Variants in LMX1A observed in about 807,000 individuals in gnomAD.
LMX1A encodes LIM homeobox transcription factor 1-alpha.
In LMX1A, 15 loss-of-function variants were observed where a neutral mutation model predicts 49.1. That is an observed-to-expected ratio of 0.31 (90% confidence interval 0.20 to 0.47). The LOEUF (loss-of-function observed/expected upper bound fraction) is 0.47, where lower values mean the gene tolerates loss of function less well. Ranked by LOEUF, LMX1A falls within the 20% of genes least tolerant of loss-of-function variation. The pLI is 1.00. For missense variants in LMX1A, 372 were observed against 475.8 expected (o/e 0.78, Z 2.03); for synonymous variants, 167 against 185.7 (o/e 0.90, Z 0.82).
chr1:165,325,182 G>A (rs776256370), intron 3 of LMX1A, among the ~76,000 whole-genome samples: 10 of 152,018 alleles, frequency 6.6e-5, no homozygotes, highest in Non-Finnish European at 1.0e-4. Flanking sequence ...ACAAGACCCT[G>A]CTCCTCACCA....
intron 3 of LMX1A, among the ~76,000 whole-genome samples, chr1:165,300,179 T>A (rs1231316675): frequency 1.3e-5 from 2 of 152,156 alleles, no homozygotes; most frequent in African/African-American, 4.8e-5. Context: ...CCTACAACTC[T>A]CAGCTGAAAT....
intron 4 of LMX1A, among the ~76,000 whole-genome samples, chr1:165,247,054 C>CTTTTTTTTTTTTTTTTTTTT (rs71097567): frequency 0.013 from 694 of 53,228 alleles, 235 homozygotes; most frequent in East Asian, 0.021. Flanking sequence ...TCAGCTTTTT[C>CTTTTTTTTTTTTTTTTTTTT]TTTTTTTTTT....
At chr1:165,240,573 G>T (rs989981315) in intron 4 of LMX1A, among the ~76,000 whole-genome samples, 2 of 152,178 alleles carry the variant, frequency 1.3e-5, no homozygotes, top group African/African-American at 2.4e-5. Context: ...AACACAGTGT[G>T]GGTGTCTGTA....
intron 3 of LMX1A, among the ~76,000 whole-genome samples, chr1:165,262,139 G>T (rs1176476850): frequency 2.0e-5 from 3 of 152,092 alleles, no homozygotes; most frequent in Non-Finnish European, 4.4e-5. Flanking sequence ...AGGTGATTAT[G>T]TTCCCAAGTG....
At chr1:165,220,717 G>A (rs1651812409) in intron 4 of LMX1A, among the ~76,000 whole-genome samples, 1 of 152,098 alleles carries the variant, frequency 6.6e-6, no homozygotes, top group African/African-American at 2.4e-5. Flanking sequence ...ACATGCCTTG[G>A]GCCAAGTGTG....
intron 3 of LMX1A, among the ~76,000 whole-genome samples, chr1:165,333,892 A>G (rs1304934512): frequency 1.3e-5 from 2 of 152,222 alleles, no homozygotes; most frequent in Non-Finnish European, 2.9e-5. Flanking sequence ...TATGAATCTT[A>G]AATATTAATA....
At chr1:165,209,150 G>T (rs544328000) in intron 6 of LMX1A, among the ~76,000 whole-genome samples, 2 of 152,150 alleles carry the variant, frequency 1.3e-5, no homozygotes, top group Non-Finnish European at 2.9e-5. Context: ...AGGCTATAGG[G>T]CCTCTGCAAC....
intron 3 of LMX1A, among the ~76,000 whole-genome samples, chr1:165,291,189 C>G (rs1654457364): frequency 6.6e-6 from 1 of 152,192 alleles, no homozygotes; most frequent in Admixed American, 6.5e-5. Flanking sequence ...AGTAATTAAG[C>G]AGCTAATGAT....
intron 6 of LMX1A, 66 bp downstream of exon 6, chr1:165,210,633 T>A: frequency 2.5e-6 from 3 of 1,187,656 alleles, no homozygotes; most frequent in Non-Finnish European, 3.7e-6. Flanking sequence ...GCAAGTACAA[T>A]GTCCTACTGT....
At chr1:165,225,162 G>A (rs549690400) in intron 4 of LMX1A, among the ~76,000 whole-genome samples, 1 of 152,338 alleles carries the variant, frequency 6.6e-6, no homozygotes, top group South Asian at 2.1e-4. Context: ...GGACAGCTTG[G>A]GGGAAAGAGG....
intron 3 of LMX1A, among the ~76,000 whole-genome samples, chr1:165,290,124 C>T (rs1477617539): frequency 6.6e-6 from 1 of 152,252 alleles, no homozygotes; most frequent in Non-Finnish European, 1.5e-5. Context: ...ACATAGTCTA[C>T]ATCTGGCTCC....
chr1:165,262,670 T>C (rs1205442865), intron 3 of LMX1A, among the ~76,000 whole-genome samples: 1 of 152,202 alleles, frequency 6.6e-6, no homozygotes, highest in Non-Finnish European at 1.5e-5. Flanking sequence ...CACTTCATGC[T>C]TACTCAAAAA....
chr1:165,229,072 T>C (rs1390091288), intron 4 of LMX1A, among the ~76,000 whole-genome samples: 1 of 151,980 alleles, frequency 6.6e-6, no homozygotes, highest in Non-Finnish European at 1.5e-5. Flanking sequence ...TTTCATCAAA[T>C]ATCAGCTGCC....
intron 3 of LMX1A, among the ~76,000 whole-genome samples, chr1:165,318,261 T>G (rs1286619870): frequency 6.6e-6 from 1 of 152,100 alleles, no homozygotes; most frequent in Non-Finnish European, 1.5e-5. Context: ...CAAAAACAAA[T>G]TATCCCAATG....
chr1:165,223,088 T>C (rs1290442105), intron 4 of LMX1A, among the ~76,000 whole-genome samples: 6 of 151,924 alleles, frequency 3.9e-5, no homozygotes, highest in African/African-American at 1.5e-4. Context: ...CAACTCCGAA[T>C]ACACTAAACA....
At chr1:165,290,935 G>A (rs1654451323) in intron 3 of LMX1A, among the ~76,000 whole-genome samples, 1 of 152,120 alleles carries the variant, frequency 6.6e-6, no homozygotes, top group Admixed American at 6.5e-5. Flanking sequence ...CCAGTCTAGT[G>A]GGAATGAACT....
At chr1:165,262,922 G>T (rs907145937) in intron 3 of LMX1A, among the ~76,000 whole-genome samples, 1 of 151,738 alleles carries the variant, frequency 6.6e-6, no homozygotes. Flanking sequence ...CAAAATTGTC[G>T]TGTGAAGGTC....
At chr1:165,222,018 CCTAT>C (rs1004971884) in intron 4 of LMX1A, among the ~76,000 whole-genome samples, 4 of 152,082 alleles carry the variant, frequency 2.6e-5, no homozygotes, top group African/African-American at 4.8e-5. Context: ...CTTTCTCTCT[CCTAT>C]CTAATAAAAA....
At chr1:165,301,675 G>C (rs1654777834) in intron 3 of LMX1A, among the ~76,000 whole-genome samples, 1 of 152,176 alleles carries the variant, frequency 6.6e-6, no homozygotes, top group Non-Finnish European at 1.5e-5. Flanking sequence ...CAGGTTCCAA[G>C]ATGTACTTTT....
Sources: allele counts gnomAD v4.1 joint callset (sites outside exome capture counted in the v4.1 genomes callset), GRCh38; gene constraint gnomAD v4.1.1; transcripts MANE v1.5; gene names NCBI Gene and HGNC (gene_info 2026-07-23, HGNC 2026-07-21).